Variants in UBE2V2 observed in about 807,000 individuals in gnomAD.
UBE2V2 encodes ubiquitin-conjugating enzyme E2 variant 2.
UBE2V2 carries 9 observed loss-of-function variants against 17.2 expected under a neutral mutation model. The ratio of observed to expected loss-of-function variants is 0.52; its 90% CI spans 0.32 to 0.91. The LOEUF is 0.91. Among genes scored for constraint, UBE2V2 ranks in the 40% least tolerant of loss-of-function variants. UBE2V2 has a pLI of 0.04. For missense variants in UBE2V2, 133 were observed against 182.6 expected (o/e 0.73, Z 1.56); for synonymous variants, 61 against 57.5 (o/e 1.06, Z -0.28).
intron 1 of UBE2V2, among the ~76,000 whole-genome samples, chr8:48,026,105 T>C (rs909898935): frequency 2.6e-5 from 4 of 152,052 alleles, no homozygotes; most frequent in African/African-American, 9.7e-5. Flanking sequence ...TTTTTTTTTT[T>C]CATTTTATTC....
chr8:48,050,723 T>C (rs966865581), intron 3 of UBE2V2, among the ~76,000 whole-genome samples: 1 of 151,860 alleles, frequency 6.6e-6, no homozygotes, highest in Non-Finnish European at 1.5e-5. Flanking sequence ...TCATTATTTC[T>C]CTTTGAATGT....
intron 3 of UBE2V2, among the ~76,000 whole-genome samples, chr8:48,055,390 G>A (rs763919151): frequency 1.1e-4 from 16 of 151,716 alleles, no homozygotes; most frequent in South Asian, 2.1e-4. Flanking sequence ...TAGTAGAGAC[G>A]GGGTTTCACT....
intron 1 of UBE2V2, 24 bp from the exon 2 acceptor site, chr8:48,043,009 T>A: frequency 4.8e-6 from 7 of 1,458,234 alleles, no homozygotes; most frequent in Non-Finnish European, 6.4e-6. Context: ...CTTTTTACAT[T>A]TACACTGACG....
At chr8:48,042,941 A>G in intron 1 of UBE2V2, 92 bp from the exon 2 acceptor site, 1 of 1,262,782 alleles carries the variant, frequency 7.9e-7, no homozygotes, top group Non-Finnish European at 1.0e-6. Flanking sequence ...GAAATAATTT[A>G]TAAAGGTTAA....
chr8:48,033,003 T>A (rs1212224929), intron 1 of UBE2V2, among the ~76,000 whole-genome samples: 1 of 151,950 alleles, frequency 6.6e-6, no homozygotes, highest in Non-Finnish European at 1.5e-5. Flanking sequence ...GCAGACCCAC[T>A]CAGCAAGGAA....
intron 1 of UBE2V2, among the ~76,000 whole-genome samples, chr8:48,012,843 A>T (rs943726002): frequency 6.6e-6 from 1 of 152,042 alleles, no homozygotes; most frequent in African/African-American, 2.4e-5. Context: ...TTTCCCTGTC[A>T]ATTTCCTTTT....
intron 3 of UBE2V2, among the ~76,000 whole-genome samples, chr8:48,052,293 A>C (rs1051837148): frequency 6.6e-6 from 1 of 152,196 alleles, no homozygotes; most frequent in African/African-American, 2.4e-5. Flanking sequence ...TTGCTACTAG[A>C]CATATCTGGT....
chr8:48,035,631 TTGTGTGTGTGTGTG>T (rs201716659), intron 1 of UBE2V2, among the ~76,000 whole-genome samples: 1 of 109,524 alleles, frequency 9.1e-6, no homozygotes, highest in African/African-American at 3.4e-5. Context: ...TTTTTTTTTT[TTGTGTGTGTGTGTG>T]TGTGTGTGTG....
Position 48,064,246 on chromosome 8 carries a change from C to T in UBE2V2, c.*3418C>T, listed in dbSNP as rs1298801528. On this transcript the variant is annotated 3_prime_UTR_variant, in exon 4 of 4. Transcript: ENST00000523111. ...AGTATCATTTATTGCTGGGATGGAT[C>T]GAAAAGCACTGCTTTTACTTTTCTG... 3 of 151,970 alleles carry T rather than the reference C, an allele frequency of 2.0e-5. No homozygotes were observed. The highest frequency in any genetic ancestry group is 4.4e-5 in the Non-Finnish European group (3 of 68,014). 9.4% of individuals were successfully genotyped at this position (151,970 alleles called of 1,614,324 possible).
At chr8:48,035,736 T>TC (rs71225698) in intron 1 of UBE2V2, among the ~76,000 whole-genome samples, 121,335 of 121,336 alleles carry the variant, frequency 1, 60,667 homozygotes, top group Non-Finnish European at 1. Flanking sequence ...TGCCTCAGCC[T>TC]CGCAGGAGCT....
intron 3 of UBE2V2, among the ~76,000 whole-genome samples, chr8:48,052,740 G>A (rs1211831979): frequency 1.3e-5 from 2 of 151,944 alleles, no homozygotes; most frequent in African/African-American, 2.4e-5. Flanking sequence ...TCCTTTAGGG[G>A]CATCAGCCTC....
chr8:48,053,241 T>TG (rs1157775093), intron 3 of UBE2V2, among the ~76,000 whole-genome samples: 5 of 152,164 alleles, frequency 3.3e-5, no homozygotes, highest in African/African-American at 1.2e-4. Flanking sequence ...TCCCTTCTAT[T>TG]GCTCTGTTAG....
chr8:48,043,321 C>A, intron 2 of UBE2V2, 140 bp downstream of exon 2: 1 of 660,890 alleles, frequency 1.5e-6, no homozygotes, highest in Non-Finnish European at 2.2e-6. Context: ...TTTATTGATG[C>A]TTCCCACGTG....
At chr8:48,044,324 G>T (rs1480111695) in intron 2 of UBE2V2, among the ~76,000 whole-genome samples, 1 of 152,026 alleles carries the variant, frequency 6.6e-6, no homozygotes, top group Non-Finnish European at 1.5e-5. Context: ...AATATTTGTA[G>T]TTTTTGTAGA....
rs573944481 is a variant in UBE2V2 at position 48,024,963 on chromosome 8, C to G, written c.16+16493C>G. On this transcript the variant is annotated intron_variant, in intron 1 of 3. Transcript: ENST00000523111. ...TTTTTTTTTTTTTTTTAGAACGAGT[C>G]TTGTTCTGTTGCCCGGGCTGGAGTG... Among the ~76,000 whole-genome samples, 27 of 142,424 alleles carry G rather than the reference C, an allele frequency of 1.9e-4. No homozygotes were observed. The South Asian group carries it at 2.4e-3, about 13-fold the overall frequency. 93.4% of individuals were successfully genotyped at this position (142,424 alleles called of 152,430 possible).
chr8:48,020,382 A>G (rs1178543196), intron 1 of UBE2V2, among the ~76,000 whole-genome samples: 1 of 151,934 alleles, frequency 6.6e-6, no homozygotes, highest in Admixed American at 6.6e-5. Flanking sequence ...TTCAGTCTAC[A>G]TGTGTCCGTA....
At chr8:48,041,144 G>A (rs1183921274) in intron 1 of UBE2V2, among the ~76,000 whole-genome samples, 3 of 149,476 alleles carry the variant, frequency 2.0e-5, no homozygotes, top group African/African-American at 7.4e-5. Context: ...GATTACAGGC[G>A]TGAGCCACTG....
chr8:48,014,832 C>T (rs1362493160), intron 1 of UBE2V2, among the ~76,000 whole-genome samples: 6 of 151,268 alleles, frequency 4.0e-5, no homozygotes, highest in South Asian at 2.1e-4. Flanking sequence ...GGGTGGTTCA[C>T]GAAGTCAAGA....
rs556752946 is a variant in UBE2V2, at chr8:48,061,077, G to A, written c.*249G>A. The A allele has an allele frequency of 2.1e-4, 56 of 263,300 alleles. No homozygotes were observed. The highest frequency in any genetic ancestry group is 1.1e-3 in the African/African-American group (51 of 45,554). The allele number at this position is 263,300 out of a possible 1,614,324, so 16.3% of individuals were successfully genotyped here. ...ATTTAAACATAAACCTGGAGTACTC[G>A]AAATAGAATTCAGGTTTACAAGATG... On this transcript the variant is annotated 3_prime_UTR_variant, in exon 4 of 4. Transcript: ENST00000523111.
Sources: gnomAD v4.1 joint callset for allele counts (sites outside exome capture counted in the v4.1 genomes callset) on GRCh38, gnomAD v4.1.1 for gene constraint, MANE v1.5 for transcripts, NCBI Gene and HGNC (gene_info 2026-07-23, HGNC 2026-07-21) for gene names.